EFNB1: variants seen among roughly 807,000 people sequenced by gnomAD.
EFNB1 encodes ephrin B1.
Under a neutral mutation model 18.1 loss-of-function variants are expected in EFNB1, and 1 was observed. The observed-to-expected ratio is 0.06, with a 90% CI of 0.02 to 0.26. The LOEUF (loss-of-function observed/expected upper bound fraction) is 0.26, where lower values mean the gene tolerates loss of function less well. Among genes scored for constraint, EFNB1 ranks in the 10% least tolerant of loss-of-function variants. EFNB1 has a pLI of 1.00. For synonymous variants in EFNB1, 131 were observed against 127.5 expected, an observed-to-expected ratio of 1.03 and a Z score of -0.19; for missense variants, 221 against 301.8, an observed-to-expected ratio of 0.73 and a Z score of 1.98.
At chrX:68,830,191 G>T (rs1394337620) in intron 1 of EFNB1, among the ~76,000 whole-genome samples, 1 of 111,852 alleles carries the variant, frequency 8.9e-6, no homozygotes, top group African/African-American at 3.3e-5. Context: ...GAGTCCGGGC[G>T]CCCGAGAGCG....
intron 1 of EFNB1, among the ~76,000 whole-genome samples, chrX:68,831,789 T>C (rs1230759568): frequency 9.0e-6 from 1 of 110,716 alleles, no homozygotes; most frequent in Non-Finnish European, 1.9e-5. Context: ...TCAGAGACTT[T>C]AGTGCTCTGG....
At position 68,840,851 on chromosome X, in the gene EFNB1, C is replaced by T. The variant is rs773241593; in HGVS notation, c.*197C>T. On this transcript the variant is annotated 3_prime_UTR_variant, in exon 5 of 5. Coordinates refer to ENST00000204961, the MANE Select transcript of EFNB1 (RefSeq NM_004429.5). ...TGCTTGTGCCCCTAACCCCCATGCTCTTGTGCCTTCCCCCTCTGGCCAGGC... is the reference window on the plus strand; with the variant it reads ...TGCTTGTGCCCCTAACCCCCATGCTTTTGTGCCTTCCCCCTCTGGCCAGGC... 13 of 473,510 alleles carry T rather than the reference C, an allele frequency of 2.7e-5. No homozygotes were observed. Among genetic ancestry groups the T allele is most frequent in the Admixed American group, 2.5e-4 (7 of 28,022 alleles). The allele number at this position is 473,510 out of a possible 1,213,427, so 39.0% of individuals were successfully genotyped here. A position where few individuals can be genotyped will look rare whatever the true frequency, so the allele number is the denominator to read the frequency against.
intron 1 of EFNB1, among the ~76,000 whole-genome samples, chrX:68,831,649 A>G (rs1015137412): frequency 9.0e-6 from 1 of 110,966 alleles, no homozygotes; most frequent in Non-Finnish European, 1.9e-5. Context: ...GGCTCATGGG[A>G]GTGACCTAAT....
chrX:68,838,181 G>GCA (rs1569397889), intron 1 of EFNB1, among the ~76,000 whole-genome samples: 36 of 99,742 alleles, frequency 3.6e-4, no homozygotes, highest in African/African-American at 1.4e-3. Flanking sequence ...GTGCGCGCGC[G>GCA]CGCGCGCACG....
At chrX:68,837,064 C>T (rs1306969445) in intron 1 of EFNB1, among the ~76,000 whole-genome samples, 1 of 111,594 alleles carries the variant, frequency 9.0e-6, no homozygotes, top group African/African-American at 3.3e-5. Flanking sequence ...CTATCTCTTT[C>T]TTCTCCCTGC....
At chrX:68,831,174 G>T (rs766790752) in intron 1 of EFNB1, among the ~76,000 whole-genome samples, 10 of 110,419 alleles carry the variant, frequency 9.1e-5, no homozygotes, top group Non-Finnish European at 1.7e-4. Context: ...GCTGCCCCAC[G>T]CCGCCTCCCC....
chrX:68,840,253 C>A lies in EFNB1; in HGVS notation c.640C>A (p.Gln214Lys). The A allele has an allele frequency of 8.3e-7, 1 of 1,211,938 alleles. No homozygotes were observed. Among genetic ancestry groups the A allele is most frequent in the Non-Finnish European group, 1.1e-6 (1 of 895,565 alleles). Residue 214 changes from glutamine to lysine, a missense_variant, in exon 5 of 5, where the codon CAG becomes AAG. Gln to Lys is a moderately conservative substitution (Grantham distance 53). Coordinates refer to ENST00000204961, the MANE Select transcript of EFNB1 (RefSeq NM_004429.5). The part of the protein sequence containing the change: ...DSDGKHETVN[Q>K]EEKSGPGASG... Reference sequence around the variant, plus strand: ...TTTCCCTTCCTCAGAGACTGTGAACCAGGAAGAGAAGAGTGGCCCAGGTGC... The same window carrying A: ...TTTCCCTTCCTCAGAGACTGTGAACAAGGAAGAGAAGAGTGGCCCAGGTGC...
At chrX:68,832,461 C>A (rs1270116304) in intron 1 of EFNB1, among the ~76,000 whole-genome samples, 1 of 111,255 alleles carries the variant, frequency 9.0e-6, no homozygotes, top group African/African-American at 3.3e-5. Flanking sequence ...GCTGGCAACC[C>A]CCCTCCCAAA....
At position 68,840,910 on chromosome X, in the gene EFNB1, G is replaced by A; in HGVS notation, c.*256G>A. ...TCCGTGGGGGCGCCCCTTCTTGGAAGGCAGGGCTGGACACTGATGGACAGC... is the reference window on the plus strand; with the variant it reads ...TCCGTGGGGGCGCCCCTTCTTGGAAAGCAGGGCTGGACACTGATGGACAGC... On this transcript the variant is annotated 3_prime_UTR_variant, in exon 5 of 5. Transcript: ENST00000204961. 1 of 420,809 alleles carries A rather than the reference G, an allele frequency of 2.4e-6. No individual in the cohort carries two copies. The allele number at this position is 420,809 out of a possible 1,213,427, so 34.7% of individuals were successfully genotyped here.
Position 68,840,076 on chromosome X carries a change from G to C in EFNB1, c.616G>C (p.Asp206His), listed in dbSNP as rs756265628. The change falls in exon 4 of 5, where the codon GAT becomes CAT. Residue 206 changes from aspartate to histidine, a missense_variant. Transcript: ENST00000204961. The stretch of plus-strand genomic sequence containing the variant: ...TAGTCGGGGCTCCCTGGGTGACTCT[G>C]ATGGCAAGCATGGTAAGTGTATGTG... ...PGSRGSLGDS[D>H]GKHETVNQEE... is the part of the protein sequence containing the mutation. 6.6e-6 allele frequency: 8 copies of C among 1,210,535 alleles called. No homozygotes were observed. The highest frequency in any genetic ancestry group is 6.5e-5 in the Admixed American group (3 of 45,904).
At position 68,830,124 on chromosome X, in the gene EFNB1, C is replaced by G. The variant is rs144357594; in HGVS notation, c.128+220C>G. 0.052 allele frequency among the ~76,000 whole-genome samples: 5,775 copies of G among 111,093 alleles called. 347 individuals are homozygous for G. Among genetic ancestry groups the G allele is most frequent in the African/African-American group, 0.18 (5,391 of 30,356 alleles). On this transcript the variant is annotated intron_variant, in intron 1 of 4. Transcript: ENST00000204961. The stretch of plus-strand genomic sequence containing the variant: ...GGGTTGTGACCCCCCGGGCTTCCCA[C>G]CCCCTGCCTCTGCACGTCTTGGATG...
At chrX:68,837,149 A>T (rs1443235588) in intron 1 of EFNB1, among the ~76,000 whole-genome samples, 1 of 111,349 alleles carries the variant, frequency 9.0e-6, no homozygotes, top group Non-Finnish European at 1.9e-5. Flanking sequence ...TCACTCGAGT[A>T]TGGGTTATTT....
At chrX:68,837,209 T>G (rs775559245) in intron 1 of EFNB1, among the ~76,000 whole-genome samples, 1 of 112,137 alleles carries the variant, frequency 8.9e-6, no homozygotes, top group East Asian at 2.8e-4. Flanking sequence ...TGGAGCCATA[T>G]CTTCTCTTCC....
rs372888485 is a variant in EFNB1 at position 68,830,399 on chromosome X, A to G, written c.128+495A>G. Among the ~76,000 whole-genome samples, 13 of 112,925 alleles carry G rather than the reference A, an allele frequency of 1.2e-4. No homozygotes were observed. The East Asian group carries it at 3.7e-3, about 32-fold the overall frequency. On this transcript the variant is annotated intron_variant, in intron 1 of 4. Coordinates refer to ENST00000204961, the MANE Select transcript of EFNB1 (RefSeq NM_004429.5). ...GCTTGGGGTGGGTGGCAGCGCCAAC[A>G]TCCCCACTCGGGCTTCTCCCATTTT...
chrX:68,840,887 C>T lies in EFNB1; in HGVS notation c.*233C>T, dbSNP rs2080476531. 2 of 428,515 alleles carry T rather than the reference C, an allele frequency of 4.7e-6. No homozygotes were observed. Among genetic ancestry groups the T allele is most frequent in the Non-Finnish European group, 8.1e-6 (2 of 246,154 alleles). The allele number at this position is 428,515 out of a possible 1,213,427, so 35.3% of individuals were successfully genotyped here. A position where few individuals can be genotyped will look rare whatever the true frequency, so the allele number is the denominator to read the frequency against. ...CCCCTCTGGCCAGGCCTCTGGGCTC[C>T]GTGGGGGCGCCCCTTCTTGGAAGGC... On this transcript the variant is annotated 3_prime_UTR_variant, in exon 5 of 5. Transcript: ENST00000204961.
At chrX:68,832,117 C>T (rs4844294) in intron 1 of EFNB1, among the ~76,000 whole-genome samples, 2 of 109,989 alleles carry the variant, frequency 1.8e-5, no homozygotes, top group Non-Finnish European at 3.8e-5. Flanking sequence ...CTTCTGCCAC[C>T]GCGCCCAACC....
rs1311286566 is a variant in EFNB1, at chrX:68,829,892, C to A, written c.116C>A (p.Ser39Tyr). 1 of 1,168,935 alleles carries A rather than the reference C, an allele frequency of 8.6e-7. No individual in the cohort carries two copies. The change falls in exon 1 of 5, where the codon TCC (serine) becomes TAC (tyrosine). Residue 39 changes from serine to tyrosine, a missense_variant. Transcript: ENST00000204961. ...AKNLEPVSWS[S>Y]LNPKFLSGKG... ...AACCTGGAGCCCGTATCCTGGAGCT[C>A]CCTCAACCCCAAGTGAGTAACTTAT...
intron 1 of EFNB1, among the ~76,000 whole-genome samples, chrX:68,836,004 G>A (rs1306819807): frequency 9.0e-6 from 1 of 111,515 alleles, no homozygotes. Context: ...CTCCCTTTCC[G>A]TGCCCTCTAT....
At chrX:68,833,061 A>G (rs924875047) in intron 1 of EFNB1, among the ~76,000 whole-genome samples, 2 of 104,580 alleles carry the variant, frequency 1.9e-5, no homozygotes, top group African/African-American at 3.4e-5. Context: ...CATTACAAAC[A>G]TTCCCTACAA....
Sources: allele counts gnomAD v4.1 joint callset (sites outside exome capture counted in the v4.1 genomes callset), GRCh38; gene constraint gnomAD v4.1.1; transcripts MANE v1.5; gene names NCBI Gene and HGNC (gene_info 2026-07-23, HGNC 2026-07-21).